The following OR8H2 variants were observed in gnomAD, a reference collection of about 807,000 sequenced individuals.
The protein encoded by OR8H2 is olfactory receptor 8H2.
For synonymous variants in OR8H2, 157 were observed against 139.2 expected, an observed-to-expected ratio of 1.13 and a Z score of -0.90; for missense variants, 374 against 371.1, an observed-to-expected ratio of 1.01 and a Z score of -0.06.
In OR8H2 at chr11:56,104,948, G is replaced by A. The variant is rs61887144; in HGVS notation, c.-95G>A. The A allele has an allele frequency of 0.073, 81,486 of 1,118,548 alleles. 3,230 individuals carry two copies. Among genetic ancestry groups the A allele is most frequent in the Non-Finnish European group, 0.083 (63,809 of 769,428 alleles). The allele number at this position is 1,118,548 out of a possible 1,614,324, so 69.3% of individuals were successfully genotyped here. On this transcript the variant is annotated 5_prime_UTR_variant, in exon 2 of 2. Transcript: ENST00000313503. ...TGCAACCTCCGCCTCCCGCGTTCAA[G>A]CAATTCTCCTGCCTCAGCTTCTCCA...
At position 56,106,654 on chromosome 11, in the gene OR8H2, G is replaced by A. The variant is rs1854059201; in HGVS notation, c.*673G>A. On this transcript the variant is annotated 3_prime_UTR_variant, in exon 2 of 2. Coordinates refer to ENST00000313503, the MANE Select transcript of OR8H2 (RefSeq NM_001386064.1). ...CCTTTTTTCAAGAATGTAAACTTGT[G>A]TTTAACAAATTATTTTTGGTTAATT... The A allele has an allele frequency of 1.3e-5, 2 of 151,902 alleles. No individual in the cohort carries two copies. Among genetic ancestry groups the A allele is most frequent in the African/African-American group, 4.8e-5 (2 of 41,404 alleles). 9.4% of individuals were successfully genotyped at this position (151,902 alleles called of 1,614,324 possible). A position where few individuals can be genotyped will look rare whatever the true frequency, so the allele number is the denominator to read the frequency against.
intron 1 of OR8H2, among the ~76,000 whole-genome samples, chr11:56,104,459 G>T (rs61887143): frequency 4.6e-5 from 7 of 152,026 alleles, no homozygotes; most frequent in African/African-American, 1.4e-4. Context: ...ATTATAAGCC[G>T]TCTCTCTGAA....
rs909095804 is a variant in OR8H2, at chr11:56,107,531, T to C, written c.*1550T>C. The C allele has an allele frequency of 6.6e-6, 1 of 151,978 alleles. No homozygotes were observed. Among genetic ancestry groups the C allele is most frequent in the Non-Finnish European group, 1.5e-5 (1 of 67,816 alleles). 9.4% of individuals were successfully genotyped at this position (151,978 alleles called of 1,614,324 possible). A position where few individuals can be genotyped will look rare whatever the true frequency, so the allele number is the denominator to read the frequency against. On this transcript the variant is annotated 3_prime_UTR_variant, in exon 2 of 2. Coordinates refer to ENST00000313503, the MANE Select transcript of OR8H2 (RefSeq NM_001386064.1). ...ATCACAGTTTTGTTTTTCTCTGCTA[T>C]TTAATGGATATTTTAGAAGCTAGTT...
chr11:56,105,592 A>G lies in OR8H2; in HGVS notation c.550A>G (p.Ile184Val), dbSNP rs1474937447. The G allele has an allele frequency of 3.7e-6, 6 of 1,614,134 alleles. No individual in the cohort carries two copies. The highest frequency in any genetic ancestry group is 1.1e-5 in the South Asian group (1 of 91,080). Residue 184 changes from isoleucine (I) to valine (V), a missense_variant, in exon 2 of 2, where the codon ATT (isoleucine) becomes GTT (valine). Coordinates refer to ENST00000313503, the MANE Select transcript of OR8H2 (RefSeq NM_001386064.1). ...TCACTTTTTCTGTGACACTTCCCCA[A>G]TTTTAGCTCTGTCCTGCACTGATAC... ...IHHFFCDTSP[I>V]LALSCTDTYN...
chr11:56,106,327 T>C lies in OR8H2; in HGVS notation c.*346T>C, dbSNP rs1854055410. Reference sequence around the variant, plus strand: ...TAGATAAATTTATTATGGAAAGAACTATTTGGGACACAATGATAATAGTTT... The same window carrying C: ...TAGATAAATTTATTATGGAAAGAACCATTTGGGACACAATGATAATAGTTT... On this transcript the variant is annotated 3_prime_UTR_variant, in exon 2 of 2. Coordinates refer to ENST00000313503, the MANE Select transcript of OR8H2 (RefSeq NM_001386064.1). The C allele has an allele frequency of 1.2e-5, 2 of 163,004 alleles. No homozygotes were observed. The highest frequency in any genetic ancestry group is 6.2e-5 in the Admixed American group (1 of 16,196). The allele number at this position is 163,004 out of a possible 1,614,324, so 10.1% of individuals were successfully genotyped here. A position where few individuals can be genotyped will look rare whatever the true frequency, so the allele number is the denominator to read the frequency against.
In OR8H2 at chr11:56,105,070, G is replaced by A. The variant is rs777086739; in HGVS notation, c.28G>A (p.Val10Met). Reference sequence around the variant, plus strand: ...GATGGGTAGAAGGAATAACACAAATGTGGCTGACTTCATCCTTATGGGACT... The same window carrying A: ...GATGGGTAGAAGGAATAACACAAATATGGCTGACTTCATCCTTATGGGACT... MMGRRNNTN[V>M]ADFILMGLTL... The change falls in exon 2 of 2, where the codon GTG (valine) becomes ATG (methionine). Residue 10 changes from valine to methionine, a missense_variant. By Grantham distance (21) the Val-to-Met change is conservative. Coordinates refer to ENST00000313503, the MANE Select transcript of OR8H2 (RefSeq NM_001386064.1). 3 of 1,613,598 alleles carry A rather than the reference G, an allele frequency of 1.9e-6. No homozygotes were observed. The highest frequency in any genetic ancestry group is 4.5e-5 in the East Asian group (2 of 44,864).
At chr11:56,104,318 A>T (rs1280220664) in intron 1 of OR8H2, among the ~76,000 whole-genome samples, 1 of 152,130 alleles carries the variant, frequency 6.6e-6, no homozygotes, top group African/African-American at 2.4e-5. Context: ...ATTTATTGGA[A>T]ATTATTATTA....
rs1854030347 is a variant in OR8H2, at chr11:56,104,985, T to C, written c.-58T>C. ...CCTCAGCTTCTCCAGTAGCTGGGAT[T>C]ACAGGCGCCCCTGCTACGTATCAGC... On this transcript the variant is annotated 5_prime_UTR_variant, in exon 2 of 2. Transcript: ENST00000313503. 10 of 1,442,222 alleles carry C rather than the reference T, an allele frequency of 6.9e-6. No individual in the cohort carries two copies. The highest frequency in any genetic ancestry group is 2.0e-5 in the Admixed American group (1 of 48,810). 89.3% of individuals were successfully genotyped at this position (1,442,222 alleles called of 1,614,324 possible). A position where few individuals can be genotyped will look rare whatever the true frequency, so the allele number is the denominator to read the frequency against.
chr11:56,104,674 T>A (rs1389222986), intron 1 of OR8H2, among the ~76,000 whole-genome samples, 198 bp from the exon 2 acceptor site: 2 of 152,228 alleles, frequency 1.3e-5, no homozygotes, highest in Non-Finnish European at 2.9e-5. Context: ...TTATGCAATA[T>A]GCTACATGCT....
At position 56,105,500 on chromosome 11, in the gene OR8H2, T is replaced by C. The variant is rs780465722; in HGVS notation, c.458T>C (p.Phe153Ser). 1 of 1,614,222 alleles carries C rather than the reference T, an allele frequency of 6.2e-7. No individual in the cohort carries two copies. Among genetic ancestry groups the C allele is most frequent in the Admixed American group, 1.7e-5 (1 of 60,022 alleles). ...ALITGPYVIGFIDSFVNVVSM... is the reference protein window; with the variant it reads ...ALITGPYVIGSIDSFVNVVSM... ...ATCACTGGGCCTTATGTGATTGGCTTTATAGACTCCTTTGTCAACGTGGTT... is the reference window on the plus strand; with the variant it reads ...ATCACTGGGCCTTATGTGATTGGCTCTATAGACTCCTTTGTCAACGTGGTT... The change falls in exon 2 of 2, where the codon TTT (phenylalanine) becomes TCT (serine). Residue 153 changes from phenylalanine to serine, a missense_variant. Transcript: ENST00000313503.
In OR8H2 at chr11:56,107,046, C is replaced by T. The variant is rs568641186; in HGVS notation, c.*1065C>T. The T allele has an allele frequency of 3.3e-5, 5 of 152,010 alleles. No homozygotes were observed. The highest frequency in any genetic ancestry group is 3.3e-4 in the Admixed American group (5 of 15,270). 9.4% of individuals were successfully genotyped at this position (152,010 alleles called of 1,614,324 possible). On this transcript the variant is annotated 3_prime_UTR_variant, in exon 2 of 2. Coordinates refer to ENST00000313503, the MANE Select transcript of OR8H2 (RefSeq NM_001386064.1). ...TCACTTTCCATGTACTGATTTTCAG[C>T]TTTCTGTATCCATTTACAAGTTTAA... is the stretch of plus-strand genomic sequence containing the variant.
At chr11:56,104,458 C>T (rs1272955494) in intron 1 of OR8H2, among the ~76,000 whole-genome samples, 2 of 151,922 alleles carry the variant, frequency 1.3e-5, no homozygotes, top group Admixed American at 6.6e-5. Flanking sequence ...TATTATAAGC[C>T]GTCTCTCTGA....
Position 56,106,060 on chromosome 11 carries a change from A to T in OR8H2, c.*79A>T. On this transcript the variant is annotated 3_prime_UTR_variant, in exon 2 of 2. Coordinates refer to ENST00000313503, the MANE Select transcript of OR8H2 (RefSeq NM_001386064.1). ...TGGGTATTTTCTTAGTCTCTCTATA[A>T]AAACAATTGAATCTTTTAATTTGTT... 1 of 900,828 alleles carries T rather than the reference A, an allele frequency of 1.1e-6. No homozygotes were observed. Among genetic ancestry groups the T allele is most frequent in the Non-Finnish European group, 1.7e-6 (1 of 586,564 alleles). 55.8% of individuals were successfully genotyped at this position (900,828 alleles called of 1,614,324 possible). A position where few individuals can be genotyped will look rare whatever the true frequency, so the allele number is the denominator to read the frequency against.
chr11:56,105,669 G>T lies in OR8H2; in HGVS notation c.627G>T (p.Val209=), dbSNP rs1364504578. 6.2e-6 allele frequency: 10 copies of T among 1,613,968 alleles called. No individual in the cohort carries two copies. The highest frequency in any genetic ancestry group is 1.3e-5 in the African/African-American group (1 of 74,920). Reference sequence around the variant, plus strand: ...TTATTGTTGGTTCCACCCTGATGGTGTCCCTTTTCACAATATCTGCATCCT... The same window carrying T: ...TTATTGTTGGTTCCACCCTGATGGTTTCCCTTTTCACAATATCTGCATCCT... ...IFIIVGSTLM[V]SLFTISASYV... The change falls in exon 2 of 2, where the codon GTG becomes GTT. Residue 209 remains valine, a synonymous_variant. Transcript: ENST00000313503.
rs999433401 is a variant in OR8H2, at chr11:56,106,625, A to G, written c.*644A>G. The stretch of plus-strand genomic sequence containing the variant: ...CATTAGAAGACCTACATTACTGCAC[A>G]AAGCCTTTTTTCAAGAATGTAAACT... On this transcript the variant is annotated 3_prime_UTR_variant, in exon 2 of 2. Coordinates refer to ENST00000313503, the MANE Select transcript of OR8H2 (RefSeq NM_001386064.1). The G allele has an allele frequency of 1.1e-4, 17 of 152,056 alleles. No individual in the cohort carries two copies. The highest frequency in any genetic ancestry group is 3.4e-4 in the African/African-American group (14 of 41,438). 9.4% of individuals were successfully genotyped at this position (152,056 alleles called of 1,614,324 possible).
chr11:56,104,598 T>G (rs773936457), intron 1 of OR8H2, among the ~76,000 whole-genome samples: 1 of 152,180 alleles, frequency 6.6e-6, no homozygotes, highest in African/African-American at 2.4e-5. Context: ...TAAGGTATAC[T>G]ATTTTCAGGT....
At chr11:56,104,196 A>G (rs527838481) in intron 1 of OR8H2, among the ~76,000 whole-genome samples, 6 of 152,110 alleles carry the variant, frequency 3.9e-5, no homozygotes, top group Non-Finnish European at 7.4e-5. Flanking sequence ...TAATTTTTGG[A>G]AGAAATTAGA....
Position 56,105,589 on chromosome 11 carries a change from C to T in OR8H2, c.547C>T (p.Pro183Ser). ...VIHHFFCDTSPILALSCTDTY... is the reference protein window; with the variant it reads ...VIHHFFCDTSSILALSCTDTY... ...TCATCACTTTTTCTGTGACACTTCC[C>T]CAATTTTAGCTCTGTCCTGCACTGA... Residue 183 changes from proline (P) to serine (S), a missense_variant, in exon 2 of 2, where the codon CCA (proline) becomes TCA (serine). Pro to Ser is a moderately conservative substitution (Grantham distance 74). Transcript: ENST00000313503. 6.2e-7 allele frequency: 1 copy of T among 1,614,178 alleles called. No individual in the cohort carries two copies. Among genetic ancestry groups the T allele is most frequent in the African/African-American group, 1.3e-5 (1 of 75,042 alleles).
In OR8H2 at chr11:56,104,992, G is replaced by A. The variant is rs754897991; in HGVS notation, c.-51G>A. 24 of 1,465,248 alleles carry A rather than the reference G, an allele frequency of 1.6e-5. No homozygotes were observed. The highest frequency in any genetic ancestry group is 4.1e-5 in the Admixed American group (2 of 49,278). 90.8% of individuals were successfully genotyped at this position (1,465,248 alleles called of 1,614,324 possible). A position where few individuals can be genotyped will look rare whatever the true frequency, so the allele number is the denominator to read the frequency against. ...TTCTCCAGTAGCTGGGATTACAGGCGCCCCTGCTACGTATCAGCTTTGATT... is the reference window on the plus strand; with the variant it reads ...TTCTCCAGTAGCTGGGATTACAGGCACCCCTGCTACGTATCAGCTTTGATT... On this transcript the variant is annotated 5_prime_UTR_variant, in exon 2 of 2. Transcript: ENST00000313503.
Sources: allele counts gnomAD v4.1 joint callset (sites outside exome capture counted in the v4.1 genomes callset), GRCh38; gene constraint gnomAD v4.1.1; transcripts MANE v1.5; gene names NCBI Gene and HGNC (gene_info 2026-07-23, HGNC 2026-07-21).